Variants in KYNU observed in about 807,000 individuals in gnomAD.
KYNU encodes the protein L-kynurenine hydrolase.
In KYNU, 54 loss-of-function variants were observed where a neutral mutation model predicts 59.2. The observed-to-expected ratio is 0.91, with a 90% CI of 0.73 to 1.14. The LOEUF (loss-of-function observed/expected upper bound fraction) is 1.14, where lower values mean the gene tolerates loss of function less well. Ranked by LOEUF, KYNU falls within the 50% of genes most tolerant of loss-of-function variation. The pLI is 0.00. For missense variants in KYNU, 567 were observed against 554.4 expected (o/e 1.02, Z -0.23); for synonymous variants, 177 against 192.0 (o/e 0.92, Z 0.65).
rs1687201363 is a variant in KYNU at position 143,048,284 on chromosome 2, A to T, written c.*6112A>T. 6.6e-6 allele frequency: 1 copy of T among 151,968 alleles called. No homozygotes were observed. Among genetic ancestry groups the T allele is most frequent in the African/African-American group, 2.4e-5 (1 of 41,362 alleles). 9.4% of individuals were successfully genotyped at this position (151,968 alleles called of 1,614,324 possible). ...TACACTTATTCTTTGTTATTTTAGC[A>T]ATTACTCTGGCTATTTTAACATGCA... On this transcript the variant is annotated 3_prime_UTR_variant, in exon 14 of 14. Transcript: ENST00000264170.
At chr2:142,987,203 A>G (rs1558960947) in intron 10 of KYNU, among the ~76,000 whole-genome samples, 1 of 151,900 alleles carries the variant, frequency 6.6e-6, no homozygotes, top group South Asian at 2.1e-4. Flanking sequence ...TTGCTTTTGT[A>G]TGATGACTCA....
intron 2 of KYNU, among the ~76,000 whole-genome samples, chr2:142,899,342 T>C (rs967748901): frequency 6.6e-6 from 1 of 152,100 alleles, no homozygotes; most frequent in Non-Finnish European, 1.5e-5. Context: ...TTAGCCTAAT[T>C]TGTGTTTCAG....
rs576407347 is a variant in KYNU at position 143,019,746 on chromosome 2, T to C, written c.903-9881T>C. ...AGTAGAATTGGTATTAGTTCTTCTT[T>C]AAGTGTTTGGTAGAATTTATTAGTG... On this transcript the variant is annotated intron_variant, in intron 10 of 13. Transcript: ENST00000264170. Among the ~76,000 whole-genome samples the C allele has an allele frequency of 4.6e-5, 7 of 152,276 alleles. No individual in the cohort carries two copies. In the South Asian group the frequency reaches 1.2e-3, roughly 27 times the overall value.
At chr2:142,999,865 G>C (rs1314163684) in intron 10 of KYNU, among the ~76,000 whole-genome samples, 1 of 151,978 alleles carries the variant, frequency 6.6e-6, no homozygotes, top group Non-Finnish European at 1.5e-5. Flanking sequence ...CCACTTAAAT[G>C]ATTAAATTTC....
At chr2:142,914,718 T>A (rs1211357423) in intron 2 of KYNU, among the ~76,000 whole-genome samples, 4 of 152,204 alleles carry the variant, frequency 2.6e-5, no homozygotes, top group African/African-American at 7.2e-5. Context: ...GTTATTATTG[T>A]CATTATCTTG....
chr2:142,974,454 C>G lies in KYNU; in HGVS notation c.730-10630C>G, dbSNP rs368734129. Reference sequence around the variant, plus strand: ...AAAGGCAGCTTCTAGTATGACTCAGCTTTCAGCTTTTTCCTTTTGGCCTAG... The same window carrying G: ...AAAGGCAGCTTCTAGTATGACTCAGGTTTCAGCTTTTTCCTTTTGGCCTAG... On this transcript the variant is annotated intron_variant, in intron 8 of 13. Coordinates refer to ENST00000264170, the MANE Select transcript of KYNU (RefSeq NM_003937.3). Among the ~76,000 whole-genome samples the G allele has an allele frequency of 6.6e-5, 10 of 152,292 alleles. No individual in the cohort carries two copies. The East Asian group carries it at 1.3e-3, about 21-fold the overall frequency.
At chr2:142,930,541 T>C (rs1394347008) in intron 4 of KYNU, among the ~76,000 whole-genome samples, 2 of 151,996 alleles carry the variant, frequency 1.3e-5, no homozygotes, top group East Asian at 1.9e-4. Context: ...GCTGTCAGGG[T>C]TGGTTTCTAG....
intron 7 of KYNU, 173 bp downstream of exon 7, chr2:142,957,888 T>C: frequency 1.7e-6 from 1 of 578,998 alleles, no homozygotes; most frequent in Non-Finnish European, 3.1e-6. Context: ...AGAGAATAAC[T>C]CAGATGTGTA....
chr2:143,007,195 T>C (rs558915029), intron 10 of KYNU, among the ~76,000 whole-genome samples: 22 of 150,292 alleles, frequency 1.5e-4, no homozygotes, highest in African/African-American at 5.2e-4. Flanking sequence ...GAATAACCAA[T>C]ACAGAGAAGT....
At chr2:143,003,808 G>A (rs1573889806) in intron 10 of KYNU, among the ~76,000 whole-genome samples, 1 of 152,148 alleles carries the variant, frequency 6.6e-6, no homozygotes, top group Non-Finnish European at 1.5e-5. Context: ...AAGACTCAAA[G>A]AGAAGAGGGA....
chr2:142,954,985 G>T, intron 5 of KYNU, 114 bp downstream of exon 5: 1 of 710,806 alleles, frequency 1.4e-6, no homozygotes, highest in South Asian at 1.7e-5. Flanking sequence ...TAAATTGTGA[G>T]GTTATTTTCA....
chr2:143,004,396 T>C (rs16858497), intron 10 of KYNU, among the ~76,000 whole-genome samples: 9,866 of 152,190 alleles, frequency 0.065, 364 homozygotes, highest in African/African-American at 0.096. Context: ...TCTAAATGTG[T>C]TGAAGCTGCT....
intron 7 of KYNU, among the ~76,000 whole-genome samples, chr2:142,958,607 ATGAGAGGATATAAAT>A (rs1374459143): frequency 5.9e-5 from 9 of 152,210 alleles, no homozygotes; most frequent in East Asian, 1.9e-4. Context: ...AAGTTCTCAC[ATGAGAGGATATAAAT>A]TGAGAGGATA....
At chr2:143,027,983 C>A (rs1353101819) in intron 10 of KYNU, among the ~76,000 whole-genome samples, 1 of 151,846 alleles carries the variant, frequency 6.6e-6, no homozygotes, top group East Asian at 1.9e-4. Flanking sequence ...TAGCATATTC[C>A]TCACTATACT....
intron 10 of KYNU, among the ~76,000 whole-genome samples, chr2:143,026,322 C>T (rs907405503): frequency 2.0e-5 from 3 of 152,154 alleles, no homozygotes; most frequent in African/African-American, 7.2e-5. Context: ...ATAAGATATT[C>T]AGATGGTTTC....
At chr2:142,897,972 G>C (rs996433209) in intron 2 of KYNU, among the ~76,000 whole-genome samples, 1 of 152,028 alleles carries the variant, frequency 6.6e-6, no homozygotes, top group Non-Finnish European at 1.5e-5. Flanking sequence ...TGCTGTCAGA[G>C]CTCACTGCAG....
At chr2:142,978,501 A>T (rs888865587) in intron 8 of KYNU, among the ~76,000 whole-genome samples, 7 of 152,280 alleles carry the variant, frequency 4.6e-5, no homozygotes, top group Admixed American at 1.3e-4. Flanking sequence ...TTAGCCTATT[A>T]GAAGGTACTG....
At chr2:142,985,874 T>C in intron 9 of KYNU, 74 bp from the exon 10 acceptor site, 1 of 998,950 alleles carries the variant, frequency 1.0e-6, no homozygotes, top group African/African-American at 1.6e-5. Context: ...AATTAAAAAA[T>C]TCAAATGACT....
Position 142,963,793 on chromosome 2 carries a change from A to G in KYNU, c.729+3023A>G, listed in dbSNP as rs550831256. On this transcript the variant is annotated intron_variant, in intron 8 of 13. Transcript: ENST00000264170. ...ATTATTTTGTCTAGTTTTGAACTTT[A>G]TATGAAGGTATACACAGGTTGAATA... Among the ~76,000 whole-genome samples the G allele has an allele frequency of 3.9e-5, 6 of 152,318 alleles. No homozygotes were observed. The South Asian group carries it at 1.2e-3, about 32-fold the overall frequency.
Sources: gnomAD v4.1 joint callset for allele counts (sites outside exome capture counted in the v4.1 genomes callset) on GRCh38, gnomAD v4.1.1 for gene constraint, MANE v1.5 for transcripts, NCBI Gene and HGNC (gene_info 2026-07-23, HGNC 2026-07-21) for gene names.